The following DZIP1 variants were observed in gnomAD, a reference collection of about 807,000 sequenced individuals.
DZIP1 encodes cilium assembly protein DZIP1.
Under a neutral mutation model 107.6 loss-of-function variants are expected in DZIP1, and 97 were observed. The observed-to-expected ratio is 0.90, with a 90% CI of 0.77 to 1.07. The LOEUF (loss-of-function observed/expected upper bound fraction) is 1.07, where lower values mean the gene tolerates loss of function less well. DZIP1 is among the 50% of genes least tolerant of loss of function. The pLI, the probability that DZIP1 is intolerant of heterozygous loss-of-function variation, is 0.00. For missense variants in DZIP1, 1,035 were observed against 1,063.6 expected (o/e 0.97, Z 0.37); for synonymous variants, 390 against 386.4 (o/e 1.01, Z -0.11).
At position 95,599,430 on chromosome 13, in the gene DZIP1, A is replaced by G; in HGVS notation, c.1478-6T>C. 1 of 1,611,534 alleles carries G rather than the reference A, an allele frequency of 6.2e-7. No individual in the cohort carries two copies. Among genetic ancestry groups the G allele is most frequent in the Non-Finnish European group, 8.5e-7 (1 of 1,177,766 alleles). On this transcript the variant is annotated splice_polypyrimidine_tract_variant and splice_region_variant and intron_variant, in intron 14 of 22. Transcript: ENST00000376829. ...GTGCGACGAGAATGCCTGTTCTATT[A>G]ACAAGGAAAAATAAGAACAGTACAA...
intron 16 of DZIP1, among the ~76,000 whole-genome samples, chr13:95,592,034 A>G (rs1027342710): frequency 1.3e-5 from 2 of 152,200 alleles, no homozygotes; most frequent in East Asian, 3.8e-4. Flanking sequence ...AAGTCCAAAA[A>G]CAAATCCAAA....
intron 2 of DZIP1, 121 bp downstream of exon 2, chr13:95,643,480 G>A (rs964965586): frequency 3.3e-5 from 5 of 152,456 alleles, no homozygotes; most frequent in African/African-American, 1.2e-4. Flanking sequence ...CATAAAAAGT[G>A]CTAAAGACAT....
chr13:95,642,312 C>T (rs1352773399), intron 3 of DZIP1, 71 bp from the exon 4 acceptor site: 3 of 383,430 alleles, frequency 7.8e-6, no homozygotes, highest in African/African-American at 2.1e-5. Flanking sequence ...AGGGTACCTC[C>T]TGGGTACCGG....
At chr13:95,593,365 A>T (rs959677719) in intron 16 of DZIP1, among the ~76,000 whole-genome samples, 10 of 152,356 alleles carry the variant, frequency 6.6e-5, no homozygotes, top group Middle Eastern at 3.4e-3. Flanking sequence ...ATATATGCAT[A>T]TGTAGATGCA....
At chr13:95,622,201 G>T in intron 9 of DZIP1, 142 bp downstream of exon 9, 1 of 1,005,676 alleles carries the variant, frequency 9.9e-7, no homozygotes, top group Non-Finnish European at 1.4e-6. Flanking sequence ...ATTTAGGCAT[G>T]CTGTAGGAGA....
Position 95,641,820 on chromosome 13 carries a change from G to A in DZIP1, c.72C>T (p.Ser24=), listed in dbSNP as rs1378714230. The stretch of plus-strand genomic sequence containing the variant: ...CAGCGACGTCGGGCCCCTCTGGGCC[G>A]CTGGCGAGCGGGTAGTAGACATGCT... The part of the protein sequence containing the change: ...FQKHVYYPLA[S]GPEGPDVAVA... The change falls in exon 5 of 23, where the codon AGC becomes AGT. Residue 24 remains serine (S), a synonymous_variant. Transcript: ENST00000376829. The surrounding 1 kb of genome is among the most constrained non-coding windows in gnomAD (Gnocchi z 4.3). 1 of 1,469,220 alleles carries A rather than the reference G, an allele frequency of 6.8e-7. No homozygotes were observed. Among genetic ancestry groups the A allele is most frequent in the Non-Finnish European group, 8.9e-7 (1 of 1,119,590 alleles). The allele number at this position is 1,469,220 out of a possible 1,614,324, so 91.0% of individuals were successfully genotyped here. A position where few individuals can be genotyped will look rare whatever the true frequency, so the allele number is the denominator to read the frequency against.
intron 22 of DZIP1, among the ~76,000 whole-genome samples, chr13:95,583,206 C>T (rs946215082): frequency 2.0e-5 from 3 of 150,212 alleles, no homozygotes; most frequent in African/African-American, 7.4e-5. Flanking sequence ...GTGGGAGGAT[C>T]ATTTGAGCCC....
chr13:95,587,203 C>A (rs1041916796), intron 20 of DZIP1, among the ~76,000 whole-genome samples: 2 of 152,174 alleles, frequency 1.3e-5, no homozygotes, highest in Non-Finnish European at 2.9e-5. Context: ...CCCTCCCTGG[C>A]AGCCCTCACA....
At chr13:95,599,172 G>A (rs2044542321) in intron 15 of DZIP1, among the ~76,000 whole-genome samples, 193 bp downstream of exon 15, 1 of 151,960 alleles carries the variant, frequency 6.6e-6, no homozygotes, top group South Asian at 2.1e-4. Context: ...ACAAAGCAGG[G>A]GAAAACAGAA....
At chr13:95,632,057 G>A (rs1190966101) in intron 6 of DZIP1, among the ~76,000 whole-genome samples, 1 of 152,138 alleles carries the variant, frequency 6.6e-6, no homozygotes, top group Non-Finnish European at 1.5e-5. Flanking sequence ...TTTCCCTCCA[G>A]CTTTGCTAGA....
Position 95,606,011 on chromosome 13 carries a change from A to G in DZIP1, c.1469T>C (p.Met490Thr). The G allele has an allele frequency of 6.2e-7, 1 of 1,614,034 alleles. No homozygotes were observed. The highest frequency in any genetic ancestry group is 8.5e-7 in the Non-Finnish European group (1 of 1,179,928). ...CTATTACTGAAACTTACCATGCACC[A>G]TTGGCAGACTTGATTTAGTTTCCAA... ...HTLETKSSLP[M>T]VHEQAFSSHI... The change falls in exon 14 of 23, where the codon ATG becomes ACG. Residue 490 changes from methionine (M) to threonine (T), a missense_variant. By Grantham distance (81) the Met-to-Thr change is moderately conservative. Coordinates refer to ENST00000376829, the MANE Select transcript of DZIP1 (RefSeq NM_198968.4).
At position 95,590,447 on chromosome 13, in the gene DZIP1, A is replaced by G; in HGVS notation, c.1681-6T>C. On this transcript the variant is annotated splice_region_variant and splice_polypyrimidine_tract_variant and intron_variant, in intron 16 of 22. Transcript: ENST00000376829. ...CTTGAAATGCCACGTATATCCTGAAAGAATAAGATGTTAAGTTGGCCAGTT... is the reference window on the plus strand; with the variant it reads ...CTTGAAATGCCACGTATATCCTGAAGGAATAAGATGTTAAGTTGGCCAGTT... 1 of 1,596,056 alleles carries G rather than the reference A, an allele frequency of 6.3e-7. No homozygotes were observed. Among genetic ancestry groups the G allele is most frequent in the Non-Finnish European group, 8.5e-7 (1 of 1,173,382 alleles).
rs2139088421 is a variant in DZIP1 at position 95,609,500 on chromosome 13, G to A, written c.1377C>T (p.Ala459=). The A allele has an allele frequency of 1.3e-6, 2 of 1,584,762 alleles. No homozygotes were observed. Among genetic ancestry groups the A allele is most frequent in the Non-Finnish European group, 8.6e-7 (1 of 1,166,578 alleles). The part of the protein sequence containing the change: ...SISEPKGNPL[A]WQAFESQPAA... ...CTGGCTGAGATTCAAAAGCCTGCCA[G>A]GCTAAAGGATTTCCTGAAATGACAG... The change falls in exon 13 of 23, where the codon GCC becomes GCT. Residue 459 remains alanine (A), a synonymous_variant. Coordinates refer to ENST00000376829, the MANE Select transcript of DZIP1 (RefSeq NM_198968.4).
intron 15 of DZIP1, among the ~76,000 whole-genome samples, chr13:95,596,108 G>C (rs1304741039): frequency 6.6e-6 from 1 of 152,084 alleles, no homozygotes; most frequent in Admixed American, 6.5e-5. Context: ...CAAGGGTGGG[G>C]CTGGCCAATG....
intron 11 of DZIP1, 146 bp downstream of exon 11, chr13:95,611,891 C>T: frequency 6.0e-6 from 6 of 1,007,390 alleles, no homozygotes; most frequent in Non-Finnish European, 8.3e-6. Flanking sequence ...TTTTATTGCA[C>T]TAACTTTTAC....
At chr13:95,621,665 A>AGCGTGT (rs1478972077) in intron 9 of DZIP1, among the ~76,000 whole-genome samples, 1 of 123,326 alleles carries the variant, frequency 8.1e-6, no homozygotes, top group East Asian at 2.4e-4. Flanking sequence ...ACCAGTTAGC[A>AGCGTGT]GTGTGTGTGT....
At chr13:95,633,188 AAG>A (rs779332033) in intron 6 of DZIP1, 44 bp downstream of exon 6, 22 of 1,557,904 alleles carry the variant, frequency 1.4e-5, no homozygotes, top group South Asian at 1.1e-4. Context: ...CCAAAAGAAA[AAG>A]GGAGCAGGAA....
intron 15 of DZIP1, among the ~76,000 whole-genome samples, chr13:95,595,141 C>T (rs563041113): frequency 6.6e-6 from 1 of 152,320 alleles, no homozygotes; most frequent in South Asian, 2.1e-4. Context: ...GTGTAGGGCT[C>T]CAGGCCACCC....
chr13:95,615,767 A>C (rs1407457926), intron 10 of DZIP1, among the ~76,000 whole-genome samples: 1 of 152,202 alleles, frequency 6.6e-6, no homozygotes, highest in African/African-American at 2.4e-5. Context: ...CCTGGAGTAC[A>C]CAGGGCCTGC....
Sources: allele counts gnomAD v4.1 joint callset (sites outside exome capture counted in the v4.1 genomes callset), GRCh38; gene constraint gnomAD v4.1.1; non-coding constraint Gnocchi (gnomAD v3.1); transcripts MANE v1.5; gene names NCBI Gene and HGNC (gene_info 2026-07-23, HGNC 2026-07-21).